ARMC5: variants seen among roughly 807,000 people sequenced by gnomAD.
The protein encoded by ARMC5 is armadillo repeat-containing protein 5.
ARMC5 carries 28 observed loss-of-function variants against 60.5 expected under a neutral mutation model. That is an observed-to-expected ratio of 0.46 (90% CI 0.34 to 0.63). The LOEUF is 0.63. Among genes scored for constraint, ARMC5 ranks in the 30% least tolerant of loss-of-function variants. The pLI is 0.01. For synonymous variants in ARMC5, 680 were observed against 607.3 expected (o/e 1.12, Z -1.76); for missense variants, 1,189 against 1,304.9 (o/e 0.91, Z 1.37).
chr16:31,466,699 T>C lies in ARMC5; in HGVS notation c.2618T>C (p.Phe873Ser). The change falls in exon 6 of 6, where the codon TTC becomes TCC. Residue 873 changes from phenylalanine (F) to serine (S), a missense_variant. Physicochemically the swap from Phe to Ser is radical, Grantham distance 155. Transcript: ENST00000268314. The surrounding 1 kb of genome is among the most constrained non-coding windows in gnomAD (Gnocchi z 8.0). The part of the protein sequence containing the change: ...QGGPESVGEV[F>S]RLGRPRLAAH... ...GGCCCGGAGTCAGTGGGTGAGGTGT[T>C]CCGCCTGGGCCGGCCCCGGCTGGCT... The C allele has an allele frequency of 6.4e-7, 1 of 1,565,388 alleles. No homozygotes were observed. The highest frequency in any genetic ancestry group is 8.7e-7 in the Non-Finnish European group (1 of 1,155,434).
In ARMC5 at chr16:31,466,278, C is replaced by G; in HGVS notation, c.2197C>G (p.Pro733Ala). The G allele has an allele frequency of 7.4e-6, 12 of 1,613,980 alleles. No individual in the cohort carries two copies. The highest frequency in any genetic ancestry group is 9.3e-6 in the Non-Finnish European group (11 of 1,179,892). Residue 733 changes from proline (P) to alanine (A), a missense_variant, in exon 6 of 6, where the codon CCT becomes GCT. By Grantham distance (27) the Pro-to-Ala change is conservative. Transcript: ENST00000268314. This position sits in a 1 kb window ranked among gnomAD's most constrained non-coding sequence, Gnocchi z 8.0. ...CCCCATGGACCTAGACTCACCTTCC[C>G]CTTGCCTCTATGAACCTCTGCTGGG... is the stretch of plus-strand genomic sequence containing the variant. Reference protein sequence around the residue: ...AVPMDLDSPSPCLYEPLLGPA... With the variant: ...AVPMDLDSPSACLYEPLLGPA...
chr16:31,465,590 C>T (rs932784429), intron 4 of ARMC5: 66 of 1,351,994 alleles, frequency 4.9e-5, no homozygotes, highest in Non-Finnish European at 5.7e-5. Context: ...CAGCTCGTGT[C>T]CTCCGTCTCT....
At position 31,464,975 on chromosome 16, in the gene ARMC5, C is replaced by T; in HGVS notation, c.1864+88C>T. 1.9e-6 allele frequency: 3 copies of T among 1,610,920 alleles called. No homozygotes were observed. The highest frequency in any genetic ancestry group is 1.7e-6 in the Non-Finnish European group (2 of 1,177,932). On this transcript the variant is annotated intron_variant, in intron 4 of 5. Coordinates refer to ENST00000268314, the MANE Select transcript of ARMC5 (RefSeq NM_001105247.2). The surrounding 1 kb of genome is among the most constrained non-coding windows in gnomAD (Gnocchi z 7.6). Reference sequence around the variant, plus strand: ...TCCATGGGCCCAGAACCTCACCTTCCCACTCACCTGTCCTCCCCAGCCCGT... The same window carrying T: ...TCCATGGGCCCAGAACCTCACCTTCTCACTCACCTGTCCTCCCCAGCCCGT...
rs548290271 is a variant in ARMC5, at chr16:31,459,850, C to A, written c.326C>A (p.Pro109His). The A allele has an allele frequency of 6.3e-7, 1 of 1,586,066 alleles. No homozygotes were observed. Among genetic ancestry groups the A allele is most frequent in the East Asian group, 2.3e-5 (1 of 43,938 alleles). Residue 109 changes from proline (P) to histidine (H), a missense_variant, in exon 1 of 6, where the codon CCC becomes CAC. Physicochemically the swap from Pro to His is moderately conservative, Grantham distance 77. Around this residue, in one of 2 missense-constraint regions of ARMC5, gnomAD observed 327 missense variants for 233.7 expected, o/e 1.40. Transcript: ENST00000268314. ...TCTAGCCCCGCCCCCGCGTCGGGCCCCGCCCCCTCCGCTGTGTCGTCGTCT... is the reference window on the plus strand; with the variant it reads ...TCTAGCCCCGCCCCCGCGTCGGGCCACGCCCCCTCCGCTGTGTCGTCGTCT... ...GASSPAPASGPAPSAVSSSSP... is the reference protein window; with the variant it reads ...GASSPAPASGHAPSAVSSSSP...
At chr16:31,458,523 G>A, upstream of ARMC5, 1 of 1,533,628 alleles carries the variant, frequency 6.5e-7, no homozygotes, top group Non-Finnish European at 8.7e-7. Flanking sequence ...CACCAGAGGG[G>A]CTGCCTTGGT....
Position 31,467,043 on chromosome 16 carries a change from C to A in ARMC5, c.*154C>A. ...ACTCCAAGATGACGATCTAAAGACC[C>A]GGGAGCGAGAAGCCAAGGCCAGGTT... is the stretch of plus-strand genomic sequence containing the variant. On this transcript the variant is annotated 3_prime_UTR_variant, in exon 6 of 6. Coordinates refer to ENST00000268314, the MANE Select transcript of ARMC5 (RefSeq NM_001105247.2). 2 of 1,068,744 alleles carry A rather than the reference C, an allele frequency of 1.9e-6. No individual in the cohort carries two copies. The highest frequency in any genetic ancestry group is 2.5e-6 in the Non-Finnish European group (2 of 797,350). 66.2% of individuals were successfully genotyped at this position (1,068,744 alleles called of 1,614,324 possible). A position where few individuals can be genotyped will look rare whatever the true frequency, so the allele number is the denominator to read the frequency against.
In ARMC5 at chr16:31,465,845, C is replaced by T. The variant is rs1238323260; in HGVS notation, c.1865-5C>T. The T allele has an allele frequency of 6.2e-7, 1 of 1,608,790 alleles. No individual in the cohort carries two copies. The highest frequency in any genetic ancestry group is 8.5e-7 in the Non-Finnish European group (1 of 1,179,844). On this transcript the variant is annotated splice_polypyrimidine_tract_variant and splice_region_variant and intron_variant, in intron 4 of 5. Transcript: ENST00000268314. ...TTCCCAGCCTGACAAGCTTTCCACT[C>T]ACAGGGGAGAGGCTACTGCAGAACC...
At position 31,462,595 on chromosome 16, in the gene ARMC5, C is replaced by A. The variant is rs777753363; in HGVS notation, c.1048C>A (p.Arg350=). 1.9e-6 allele frequency: 3 copies of A among 1,612,890 alleles called. No homozygotes were observed. The highest frequency in any genetic ancestry group is 1.7e-5 in the Admixed American group (1 of 60,006). The change falls in exon 3 of 6, where the codon CGG becomes AGG. Residue 350 remains arginine (R), a synonymous_variant. Transcript: ENST00000268314. This position sits in a 1 kb window ranked among gnomAD's most constrained non-coding sequence, Gnocchi z 7.2. ...ASPTSQQPLV[R]AVCLLCREAI... Reference sequence around the variant, plus strand: ...CCCAACCTCCCAGCAGCCCCTGGTGCGGGCTGTGTGCCTCCTATGTCGTGA... The same window carrying A: ...CCCAACCTCCCAGCAGCCCCTGGTGAGGGCTGTGTGCCTCCTATGTCGTGA...
Position 31,466,127 on chromosome 16 carries a change from GCTC to G in ARMC5, c.2052_2054del (p.Leu685del). The stretch of plus-strand genomic sequence containing the variant: ...TGCTTCTGGAGCAGGGTGGTCTCCG[GCTC>G]CTCCTTGCGGCGCTGACCCGGCCGG... On this transcript the variant is annotated inframe_deletion, in exon 6 of 6. Transcript: ENST00000268314. The surrounding 1 kb of genome is among the most constrained non-coding windows in gnomAD (Gnocchi z 8.0). The G allele has an allele frequency of 1.2e-6, 2 of 1,604,286 alleles. No individual in the cohort carries two copies. The highest frequency in any genetic ancestry group is 1.7e-6 in the Non-Finnish European group (2 of 1,179,756).
Position 31,459,740 on chromosome 16 carries a change from G to T in ARMC5, c.216G>T (p.Ala72=). 6.5e-7 allele frequency: 1 copy of T among 1,544,988 alleles called. No individual in the cohort carries two copies. The highest frequency in any genetic ancestry group is 8.6e-7 in the Non-Finnish European group (1 of 1,156,646). Residue 72 remains alanine (A), a synonymous_variant, in exon 1 of 6, where the codon GCG becomes GCT. Transcript: ENST00000268314. ...GCGGCGGGCTCCGCCCCCTACTCGC[G>T]CTGCTACGGCGAGCGGCTGCAGCGG... The part of the protein sequence containing the change: ...RARGGLRPLL[A]LLRRAAAAGS...
chr16:31,459,356 G>A (rs1336993067), upstream of ARMC5: 3 of 1,535,964 alleles, frequency 2.0e-6, no homozygotes, highest in Non-Finnish European at 8.7e-7. Context: ...GCCGCGCCTC[G>A]TGTGCAAGGA....
At chr16:31,460,063 G>C (rs1280958545) in intron 1 of ARMC5, 64 bp downstream of exon 1, 4 of 1,533,240 alleles carry the variant, frequency 2.6e-6, no homozygotes, top group South Asian at 1.1e-5. Context: ...CTCTAGACCC[G>C]GGCAGTCTGG....
rs769255353 is a variant in ARMC5 at position 31,466,006 on chromosome 16, C to T, written c.1997+24C>T. On this transcript the variant is annotated intron_variant, in intron 5 of 5. Coordinates refer to ENST00000268314, the MANE Select transcript of ARMC5 (RefSeq NM_001105247.2). This position sits in a 1 kb window ranked among gnomAD's most constrained non-coding sequence, Gnocchi z 8.0. The stretch of plus-strand genomic sequence containing the variant: ...CGGTGAGTGGGAAGTGGGTGCCTTG[C>T]GGGGTTGGGGGAGGAGTGCTGTGTT... 37 of 1,597,704 alleles carry T rather than the reference C, an allele frequency of 2.3e-5. No homozygotes were observed. Among genetic ancestry groups the T allele is most frequent in the African/African-American group, 1.2e-4 (9 of 74,654 alleles).
At chr16:31,465,367 C>G in intron 4 of ARMC5, 5 of 1,352,776 alleles carry the variant, frequency 3.7e-6, no homozygotes, top group Non-Finnish European at 4.8e-6. Flanking sequence ...ACAGAAGGCT[C>G]GCACTCTTGT....
chr16:31,466,185 G>T lies in ARMC5; in HGVS notation c.2104G>T (p.Ala702Ser), dbSNP rs1312119999. 12 of 1,612,178 alleles carry T rather than the reference G, an allele frequency of 7.4e-6. No homozygotes were observed. Among genetic ancestry groups the T allele is most frequent in the Admixed American group, 1.7e-5 (1 of 60,026 alleles). ...ACACCCGCTCTTCCTCTTCTTTGCC[G>T]CGGACTCCCTTTCCTGCCTCCAAGA... ...APHPLFLFFA[A>S]DSLSCLQDLV... The change falls in exon 6 of 6, where the codon GCG (alanine) becomes TCG (serine). Residue 702 changes from alanine to serine, a missense_variant. Physicochemically the swap from Ala to Ser is moderately conservative, Grantham distance 99. Coordinates refer to ENST00000268314, the MANE Select transcript of ARMC5 (RefSeq NM_001105247.2). The surrounding 1 kb of genome is among the most constrained non-coding windows in gnomAD (Gnocchi z 8.0).
At position 31,464,356 on chromosome 16, in the gene ARMC5, C is replaced by T; in HGVS notation, c.1371-38C>T. 2.8e-6 allele frequency: 4 copies of T among 1,425,954 alleles called. No individual in the cohort carries two copies. Among genetic ancestry groups the T allele is most frequent in the Non-Finnish European group, 3.7e-6 (4 of 1,068,436 alleles). The allele number at this position is 1,425,954 out of a possible 1,614,324, so 88.3% of individuals were successfully genotyped here. A position where few individuals can be genotyped will look rare whatever the true frequency, so the allele number is the denominator to read the frequency against. On this transcript the variant is annotated intron_variant, in intron 3 of 5. Transcript: ENST00000268314. The surrounding 1 kb of genome is among the most constrained non-coding windows in gnomAD (Gnocchi z 7.6). ...CTTGGACTCTGCCCCTTAACCTTGG[C>T]TCTGGGTTCAGTCTCCTTCCCTTTC...
chr16:31,463,214 T>C (rs1293898669), intron 3 of ARMC5, among the ~76,000 whole-genome samples: 1 of 152,046 alleles, frequency 6.6e-6, no homozygotes, highest in Non-Finnish European at 1.5e-5. Context: ...TTCTCCTGCC[T>C]CAGCCTCCCG....
Position 31,465,934 on chromosome 16 carries a change from G to C in ARMC5, c.1949G>C (p.Ser650Thr). 1 of 1,607,652 alleles carries C rather than the reference G, an allele frequency of 6.2e-7. No homozygotes were observed. The highest frequency in any genetic ancestry group is 8.5e-7 in the Non-Finnish European group (1 of 1,179,824). ...GALTHLLLSGSPEDRVACALT... is the reference protein window; with the variant it reads ...GALTHLLLSGTPEDRVACALT... ...CTGACGCACCTGCTGCTCTCTGGGA[G>C]CCCTGAGGACCGAGTGGCCTGCGCG... Residue 650 changes from serine (S) to threonine (T), a missense_variant, in exon 5 of 6, where the codon AGC (serine) becomes ACC (threonine). Around this residue, in one of 2 missense-constraint regions of ARMC5, gnomAD observed 862 missense variants for 1,071.2 expected, o/e 0.80. Coordinates refer to ENST00000268314, the MANE Select transcript of ARMC5 (RefSeq NM_001105247.2).
chr16:31,464,266 G>A lies in ARMC5; in HGVS notation c.1371-128G>A. On this transcript the variant is annotated intron_variant, in intron 3 of 5. Coordinates refer to ENST00000268314, the MANE Select transcript of ARMC5 (RefSeq NM_001105247.2). The surrounding 1 kb of genome is among the most constrained non-coding windows in gnomAD (Gnocchi z 7.6). ...GATCCCACAACTGCATTCCAGCCTGGGCTATAGAGGGATACCACATTTCTT... is the reference window on the plus strand; with the variant it reads ...GATCCCACAACTGCATTCCAGCCTGAGCTATAGAGGGATACCACATTTCTT... 1 of 795,210 alleles carries A rather than the reference G, an allele frequency of 1.3e-6. No homozygotes were observed. Among genetic ancestry groups the A allele is most frequent in the Non-Finnish European group, 1.8e-6 (1 of 551,942 alleles). The allele number at this position is 795,210 out of a possible 1,614,324, so 49.3% of individuals were successfully genotyped here.
Sources: allele counts gnomAD v4.1 joint callset (sites outside exome capture counted in the v4.1 genomes callset), GRCh38; gene constraint gnomAD v4.1.1; regional missense constraint gnomAD v4.1.1; non-coding constraint Gnocchi (gnomAD v3.1); transcripts MANE v1.5; gene names NCBI Gene and HGNC (gene_info 2026-07-23, HGNC 2026-07-21).